ZSCAN30: variants seen among roughly 807,000 people sequenced by gnomAD.
ZSCAN30 encodes the protein zinc finger and SCAN domain-containing protein 30.
Under a neutral mutation model 44.3 loss-of-function variants are expected in ZSCAN30, and 37 were observed. The ratio of observed to expected loss-of-function variants is 0.84; its 90% CI spans 0.64 to 1.10. The LOEUF (loss-of-function observed/expected upper bound fraction) is 1.10. Among genes scored for constraint, ZSCAN30 ranks in the 50% least tolerant of loss-of-function variants. The pLI is 0.00. For synonymous variants in ZSCAN30, 181 were observed against 204.6 expected (o/e 0.88, Z 0.98); for missense variants, 549 against 582.6 (o/e 0.94, Z 0.59).
chr18:35,273,065 A>G (rs774450926), intron 1 of ZSCAN30, among the ~76,000 whole-genome samples: 1 of 151,938 alleles, frequency 6.6e-6, no homozygotes, highest in Non-Finnish European at 1.5e-5. Context: ...GTGGGGACAC[A>G]GAGCCAAACC....
rs1434249671 is a variant in ZSCAN30 at position 35,254,216 on chromosome 18, C to T, written c.719G>A (p.Gly240Glu). ...GGLDNSKKQK[G>E]NAAGNKISQL... ...ACTGATTTTGTTCCCTGCAGCATTT[C>T]CCTTTTGCTTCTTAGAGTTGTCCAG... The change falls in exon 4 of 4, where the codon GGA becomes GAA. Residue 240 changes from glycine to glutamate, a missense_variant. Coordinates refer to ENST00000333206, the MANE Select transcript of ZSCAN30 (RefSeq NM_001112734.4). 6.2e-7 allele frequency: 1 copy of T among 1,614,150 alleles called. No individual in the cohort carries two copies. Among genetic ancestry groups the T allele is most frequent in the East Asian group, 2.2e-5 (1 of 44,886 alleles).
chr18:35,276,331 T>G (rs2044366678), intron 1 of ZSCAN30, among the ~76,000 whole-genome samples: 1 of 152,150 alleles, frequency 6.6e-6, no homozygotes, highest in South Asian at 2.1e-4. Flanking sequence ...AATCTCTTTA[T>G]TATACATCTA....
In ZSCAN30 at chr18:35,285,030, G is replaced by A. The variant is rs140485179; in HGVS notation, c.-104+5054C>T. ...AGGAGCTGGGCTCCTGCTTGTCCCC[G>A]CTCCCTCTGGCTCTGTGAAGCTCAC... On this transcript the variant is annotated intron_variant, in intron 1 of 3. Coordinates refer to ENST00000333206, the MANE Select transcript of ZSCAN30 (RefSeq NM_001112734.4). 479 of 154,922 alleles carry A rather than the reference G, an allele frequency of 3.1e-3. 4 individuals carry two copies. Among genetic ancestry groups the A allele is most frequent in the African/African-American group, 0.01 (437 of 41,626 alleles). The allele number at this position is 154,922 out of a possible 1,614,324, so 9.6% of individuals were successfully genotyped here.
intron 1 of ZSCAN30, among the ~76,000 whole-genome samples, chr18:35,288,806 C>T (rs1598662392): frequency 2.6e-5 from 4 of 152,260 alleles, no homozygotes. Flanking sequence ...GGCTTACCAA[C>T]GGGCAGGAGG....
chr18:35,253,668 C>G lies in ZSCAN30; in HGVS notation c.1267G>C (p.Gly423Arg), dbSNP rs1227471409. The change falls in exon 4 of 4, where the codon GGT (glycine) becomes CGT (arginine). Residue 423 changes from glycine (G) to arginine (R), a missense_variant. Physicochemically the swap from Gly to Arg is moderately radical, Grantham distance 125. Coordinates refer to ENST00000333206, the MANE Select transcript of ZSCAN30 (RefSeq NM_001112734.4). The part of the protein sequence containing the change: ...YECIACGKAF[G>R]RSSILIEHQR... The stretch of plus-strand genomic sequence containing the variant: ...TGTTCAATAAGGATAGAACTCCTAC[C>G]AAAAGCCTTACCACATGCAATACAT... 6.2e-7 allele frequency: 1 copy of G among 1,613,892 alleles called. No homozygotes were observed. Among genetic ancestry groups the G allele is most frequent in the Non-Finnish European group, 8.5e-7 (1 of 1,179,958 alleles).
chr18:35,253,282 A>C lies in ZSCAN30; in HGVS notation c.*168T>G. 1 of 508,142 alleles carries C rather than the reference A, an allele frequency of 2.0e-6. No individual in the cohort carries two copies. The highest frequency in any genetic ancestry group is 3.1e-5 in the East Asian group (1 of 32,432). The allele number at this position is 508,142 out of a possible 1,614,324, so 31.5% of individuals were successfully genotyped here. On this transcript the variant is annotated 3_prime_UTR_variant, in exon 4 of 4. Transcript: ENST00000333206. ...TTGGGTAACATTTTTCTTCCATTTAACACTTCAATAATCATAACAAACATC... is the reference window on the plus strand; with the variant it reads ...TTGGGTAACATTTTTCTTCCATTTACCACTTCAATAATCATAACAAACATC...
chr18:35,260,827 G>C (rs2044009745), intron 3 of ZSCAN30: 1 of 151,884 alleles, frequency 6.6e-6, no homozygotes, highest in Non-Finnish European at 1.5e-5. Flanking sequence ...CTTATAATAG[G>C]TTCTTTTGCT....
chr18:35,257,958 T>G, intron 3 of ZSCAN30: 1 of 781,040 alleles, frequency 1.3e-6, no homozygotes, highest in Non-Finnish European at 2.4e-6. Context: ...CGTCAATAAA[T>G]CACCTGCACC....
chr18:35,274,336 C>T (rs1018075958), intron 1 of ZSCAN30, among the ~76,000 whole-genome samples: 3 of 151,918 alleles, frequency 2.0e-5, no homozygotes, highest in Admixed American at 6.6e-5. Flanking sequence ...CGTGCCCGGC[C>T]GAAGGTACTC....
rs1314693817 is a variant in ZSCAN30 at position 35,252,775 on chromosome 18, T to C, written c.*675A>G. On this transcript the variant is annotated 3_prime_UTR_variant, in exon 4 of 4. Coordinates refer to ENST00000333206, the MANE Select transcript of ZSCAN30 (RefSeq NM_001112734.4). ...TGTTTAGTATATATGCATATCCTAT[T>C]AGCCCTTAACTCTGGGAGGGCAATG... is the stretch of plus-strand genomic sequence containing the variant. The C allele has an allele frequency of 6.6e-6, 1 of 152,292 alleles. No individual in the cohort carries two copies. Among genetic ancestry groups the C allele is most frequent in the East Asian group, 1.9e-4 (1 of 5,202 alleles). The allele number at this position is 152,292 out of a possible 1,614,324, so 9.4% of individuals were successfully genotyped here.
chr18:35,284,423 C>T (rs949632092), intron 1 of ZSCAN30: 1 of 154,352 alleles, frequency 6.5e-6, no homozygotes, highest in Non-Finnish European at 1.5e-5. Context: ...TTCGTGGGGA[C>T]AAGCACCTGC....
At chr18:35,272,450 C>G (rs1267083103) in intron 1 of ZSCAN30, among the ~76,000 whole-genome samples, 1 of 151,082 alleles carries the variant, frequency 6.6e-6, no homozygotes, top group African/African-American at 2.4e-5. Context: ...CAGCTTCAAG[C>G]GATTCTCCTG....
At chr18:35,272,379 G>A (rs536080074) in intron 1 of ZSCAN30, among the ~76,000 whole-genome samples, 6 of 133,046 alleles carry the variant, frequency 4.5e-5, no homozygotes, top group Admixed American at 1.7e-4. Flanking sequence ...ATGGAGTCTC[G>A]CTCTGTGGAC....
rs969993428 is a variant in ZSCAN30 at position 35,289,049 on chromosome 18, C to A, written c.-104+1035G>T. Among the ~76,000 whole-genome samples, 10 of 152,242 alleles carry A rather than the reference C, an allele frequency of 6.6e-5. No homozygotes were observed. In the East Asian group the frequency reaches 1.9e-3, roughly 29 times the overall value. On this transcript the variant is annotated intron_variant, in intron 1 of 3. Transcript: ENST00000333206. ...GTGGCGCAATCTCGGCTCACTGCAA[C>A]CTCCGCCTCCTGGGTTCATGGGTTC...
chr18:35,262,970 C>G (rs1309193982), intron 3 of ZSCAN30: 3 of 166,992 alleles, frequency 1.8e-5, no homozygotes, highest in African/African-American at 7.2e-5. Context: ...TTAAACTTTC[C>G]CTGTTCAAAT....
At chr18:35,274,448 T>G (rs993675653) in intron 1 of ZSCAN30, among the ~76,000 whole-genome samples, 1 of 152,188 alleles carries the variant, frequency 6.6e-6, no homozygotes, top group African/African-American at 2.4e-5. Context: ...TTTTTCTGGG[T>G]CAACCAGATG....
At position 35,266,024 on chromosome 18, in the gene ZSCAN30, G is replaced by C. The variant is rs140135704; in HGVS notation, c.-103-1569C>G. ...GGTATGAGAGAATGTGGCCCACTGA[G>C]GAAACTGAAGGTAGTTTGGGGAGAC... On this transcript the variant is annotated intron_variant, in intron 1 of 3. Coordinates refer to ENST00000333206, the MANE Select transcript of ZSCAN30 (RefSeq NM_001112734.4). Among the ~76,000 whole-genome samples, 506 of 152,276 alleles carry C rather than the reference G, an allele frequency of 3.3e-3. 1 individual carries two copies. The highest frequency in any genetic ancestry group is 0.011 in the African/African-American group (452 of 41,560).
rs914298770 is a variant in ZSCAN30 at position 35,251,300 on chromosome 18, T to A, written c.*2150A>T. The A allele has an allele frequency of 3.3e-5, 5 of 152,138 alleles. No homozygotes were observed. Among genetic ancestry groups the A allele is most frequent in the Admixed American group, 2.6e-4 (4 of 15,270 alleles). The allele number at this position is 152,138 out of a possible 1,614,324, so 9.4% of individuals were successfully genotyped here. ...TTCTCATTTTCTGTATTACCAACAC[T>A]TACAATTCACAATCAGGAGAAAAAC... On this transcript the variant is annotated 3_prime_UTR_variant, in exon 4 of 4. Transcript: ENST00000333206.
Position 35,252,284 on chromosome 18 carries a change from A to G in ZSCAN30, c.*1166T>C, listed in dbSNP as rs912597571. ...AAAAGGCATGTATATACACAGGGAA[A>G]GAATGCATATCAGAGGCTAGAGAGA... On this transcript the variant is annotated 3_prime_UTR_variant, in exon 4 of 4. Transcript: ENST00000333206. 20 of 152,248 alleles carry G rather than the reference A, an allele frequency of 1.3e-4. No individual in the cohort carries two copies. The highest frequency in any genetic ancestry group is 4.8e-4 in the African/African-American group (20 of 41,450). The allele number at this position is 152,248 out of a possible 1,614,324, so 9.4% of individuals were successfully genotyped here.
Sources: allele counts gnomAD v4.1 joint callset (sites outside exome capture counted in the v4.1 genomes callset), GRCh38; gene constraint gnomAD v4.1.1; transcripts MANE v1.5; gene names NCBI Gene and HGNC (gene_info 2026-07-23, HGNC 2026-07-21).